FOXO3: variants seen among roughly 807,000 people sequenced by gnomAD.
The protein encoded by FOXO3 is forkhead box O3.
A neutral mutation model predicts 41.9 loss-of-function variants in FOXO3; 4 were observed. That is an observed-to-expected ratio of 0.10 (90% CI 0.05 to 0.22). The LOEUF is 0.22. Ranked by LOEUF, FOXO3 falls within the 10% of genes least tolerant of loss-of-function variation. FOXO3 has a pLI of 1.00. For missense variants in FOXO3, 534 were observed against 906.8 expected (o/e 0.59, Z 5.28); for synonymous variants, 318 against 389.3 (o/e 0.82, Z 2.16).
chr6:108,561,079 TC>T lies in FOXO3; in HGVS notation c.-126del. On this transcript the variant is annotated 5_prime_UTR_variant, in exon 1 of 3. Coordinates refer to ENST00000406360, the MANE Select transcript of FOXO3 (RefSeq NM_001455.4). The stretch of plus-strand genomic sequence containing the variant: ...CTCTCCTTCTCTCTTCTTTGGTGCT[TC>T]CCCAGGCGGCGGCGGCGGCGCCCGG... 1 of 1,428,344 alleles carries T rather than the reference TC, an allele frequency of 7.0e-7. No individual in the cohort carries two copies. The highest frequency in any genetic ancestry group is 9.1e-7 in the Non-Finnish European group (1 of 1,101,408). 88.5% of individuals were successfully genotyped at this position (1,428,344 alleles called of 1,614,324 possible). A position where few individuals can be genotyped will look rare whatever the true frequency, so the allele number is the denominator to read the frequency against.
intron 1 of FOXO3, among the ~76,000 whole-genome samples, chr6:108,624,180 A>G (rs1314689324): frequency 6.6e-6 from 1 of 152,142 alleles, no homozygotes; most frequent in Non-Finnish European, 1.5e-5. Flanking sequence ...CCCAGGTCAC[A>G]TTGTACCCTG....
At chr6:108,579,425 G>A (rs1277838768) in intron 1 of FOXO3, among the ~76,000 whole-genome samples, 1 of 152,204 alleles carries the variant, frequency 6.6e-6, no homozygotes, top group African/African-American at 2.4e-5. Flanking sequence ...TCTGTCTGGG[G>A]TCAGAGTTTG....
At chr6:108,661,408 C>T (rs938826724) in intron 1 of FOXO3, among the ~76,000 whole-genome samples, 16 of 151,932 alleles carry the variant, frequency 1.1e-4, no homozygotes, top group African/African-American at 3.4e-4. Flanking sequence ...TTGTCTTTAA[C>T]GTGCAAATAA....
intron 1 of FOXO3, among the ~76,000 whole-genome samples, chr6:108,623,348 T>C (rs1006353613): frequency 6.6e-6 from 1 of 152,152 alleles, no homozygotes; most frequent in African/African-American, 2.4e-5. Context: ...CTGTGGCAGA[T>C]AGGTTTTACT....
intron 1 of FOXO3, among the ~76,000 whole-genome samples, chr6:108,578,335 T>C (rs1776318379): frequency 1.3e-5 from 2 of 152,206 alleles, no homozygotes; most frequent in African/African-American, 2.4e-5. Context: ...ATTATTCTGG[T>C]GATAGGAGTA....
At chr6:108,589,268 C>T (rs777359747) in intron 1 of FOXO3, among the ~76,000 whole-genome samples, 4 of 152,144 alleles carry the variant, frequency 2.6e-5, no homozygotes, top group Non-Finnish European at 4.4e-5. Flanking sequence ...CCTGGGCACA[C>T]GCAGCCCACA....
intron 1 of FOXO3, among the ~76,000 whole-genome samples, chr6:108,575,225 A>G (rs1052181484): frequency 1.3e-5 from 2 of 152,194 alleles, no homozygotes; most frequent in Admixed American, 1.3e-4. Flanking sequence ...AAGTGTCCTA[A>G]TCATTGATTT....
rs1777237904 is a variant in FOXO3, at chr6:108,607,419, C to T, written c.621+45590C>T. 1.6e-4 allele frequency among the ~76,000 whole-genome samples: 24 copies of T among 146,668 alleles called. 1 individual carries two copies. In the South Asian group the frequency reaches 5.2e-3, roughly 32 times the overall value. On this transcript the variant is annotated intron_variant, in intron 1 of 2. Coordinates refer to ENST00000406360, the MANE Select transcript of FOXO3 (RefSeq NM_001455.4). The stretch of plus-strand genomic sequence containing the variant: ...GAGCTGAGATCCTGCCACTGCACTC[C>T]AGCCTGGGTGACAGAGCGAGACTAT...
intron 1 of FOXO3, among the ~76,000 whole-genome samples, chr6:108,568,677 A>G (rs1046368011): frequency 1.2e-4 from 19 of 152,158 alleles, no homozygotes; most frequent in African/African-American, 4.6e-4. Flanking sequence ...AAAGGGGCTG[A>G]TGTGACTCAG....
chr6:108,664,934 A>AGG, intron 2 of FOXO3, 45 bp downstream of exon 2: 1 of 1,530,896 alleles, frequency 6.5e-7, no homozygotes, highest in Non-Finnish European at 8.8e-7. Context: ...TATGGGGATG[A>AGG]GGGGGGATCT....
chr6:108,627,319 C>T (rs933206653), intron 1 of FOXO3, among the ~76,000 whole-genome samples: 9 of 152,034 alleles, frequency 5.9e-5, no homozygotes, highest in South Asian at 4.2e-4. Flanking sequence ...GGATCTCTTG[C>T]GTATCACACG....
At chr6:108,619,703 C>G (rs572804296) in intron 1 of FOXO3, among the ~76,000 whole-genome samples, 1 of 152,216 alleles carries the variant, frequency 6.6e-6, no homozygotes, top group Non-Finnish European at 1.5e-5. Context: ...CCATGCTTGC[C>G]CCACTTTTGA....
Position 108,569,828 on chromosome 6 carries a change from TAAAC to T in FOXO3, c.621+8005_621+8008del, listed in dbSNP as rs989085729. 8.5e-4 allele frequency among the ~76,000 whole-genome samples: 129 copies of T among 151,984 alleles called. 1 individual carries two copies. The highest frequency in any genetic ancestry group is 2.9e-3 in the African/African-American group (119 of 41,412). ...GTAAACTCTCCCCCAAACAAACAAA[TAAAC>T]AAACAGCATACATTACCTTCCTTCT... On this transcript the variant is annotated intron_variant, in intron 1 of 2. Coordinates refer to ENST00000406360, the MANE Select transcript of FOXO3 (RefSeq NM_001455.4).
chr6:108,571,412 A>G (rs1264325103), intron 1 of FOXO3, among the ~76,000 whole-genome samples: 2 of 152,172 alleles, frequency 1.3e-5, no homozygotes, highest in East Asian at 1.9e-4. Context: ...TCTAAAATTC[A>G]TGTCTTCCTG....
chr6:108,568,231 T>A (rs1160227964), intron 1 of FOXO3, among the ~76,000 whole-genome samples: 7 of 147,728 alleles, frequency 4.7e-5, no homozygotes, highest in Middle Eastern at 3.2e-3. Context: ...TTTTTTTTTT[T>A]AAAGCGTGTG....
intron 1 of FOXO3, among the ~76,000 whole-genome samples, chr6:108,659,356 T>C (rs564889148): frequency 6.6e-6 from 1 of 152,302 alleles, no homozygotes; most frequent in South Asian, 2.1e-4. Context: ...TTAGCCCAAG[T>C]AGATTAAATG....
At chr6:108,590,334 G>GA (rs993858237) in intron 1 of FOXO3, among the ~76,000 whole-genome samples, 2 of 152,044 alleles carry the variant, frequency 1.3e-5, no homozygotes, top group Middle Eastern at 3.2e-3. Flanking sequence ...TCCCTAATTT[G>GA]AAAATTTGAA....
intron 1 of FOXO3, among the ~76,000 whole-genome samples, chr6:108,624,549 C>T (rs561616485): frequency 2.2e-4 from 33 of 152,228 alleles, no homozygotes; most frequent in African/African-American, 7.9e-4. Context: ...TGGGCACATC[C>T]TTGCATGTGG....
intron 1 of FOXO3, among the ~76,000 whole-genome samples, chr6:108,590,580 T>G (rs757889051): frequency 1.3e-5 from 2 of 152,208 alleles, no homozygotes; most frequent in Non-Finnish European, 2.9e-5. Context: ...ATTATGTATA[T>G]GCAAATATTC....
Sources: gnomAD v4.1 joint callset for allele counts (sites outside exome capture counted in the v4.1 genomes callset) on GRCh38, gnomAD v4.1.1 for gene constraint, MANE v1.5 for transcripts, NCBI Gene and HGNC (gene_info 2026-07-23, HGNC 2026-07-21) for gene names.